COX5A: variants seen among roughly 807,000 people sequenced by gnomAD.
The protein encoded by COX5A is cytochrome c oxidase subunit 5A.
Under a neutral mutation model 16.1 loss-of-function variants are expected in COX5A, and 6 were observed. The ratio of observed to expected loss-of-function variants is 0.37; its 90% CI spans 0.20 to 0.73. The LOEUF is 0.73. Ranked by LOEUF, COX5A falls within the 30% of genes least tolerant of loss-of-function variation. The probability of loss-of-function intolerance (pLI) is 0.50; values close to 1 mark genes in which losing one functional copy is unlikely to be tolerated. For synonymous variants in COX5A, 73 were observed against 73.8 expected, an observed-to-expected ratio of 0.99 and a Z score of 0.06; for missense variants, 159 against 194.9, an observed-to-expected ratio of 0.82 and a Z score of 1.10.
intron 3 of COX5A, among the ~76,000 whole-genome samples, chr15:74,924,440 G>C (rs1423749410): frequency 6.6e-6 from 1 of 152,064 alleles, no homozygotes; most frequent in Admixed American, 6.6e-5. Flanking sequence ...GGGAATGCTT[G>C]AACTAGGGAG....
intron 4 of COX5A, among the ~76,000 whole-genome samples, chr15:74,921,881 G>C (rs899007714): frequency 6.6e-6 from 1 of 152,056 alleles, no homozygotes; most frequent in Non-Finnish European, 1.5e-5. Flanking sequence ...TGCTGGTGAG[G>C]GGGTGGACAA....
In COX5A at chr15:74,930,145, C is replaced by A. The variant is rs185327988; in HGVS notation, c.101-913G>T. Among the ~76,000 whole-genome samples, 72 of 151,482 alleles carry A rather than the reference C, an allele frequency of 4.8e-4. No homozygotes were observed. The East Asian group carries it at 0.012, about 24-fold the overall frequency. On this transcript the variant is annotated intron_variant, in intron 1 of 4. Transcript: ENST00000322347. ...ACTAAAAAACTAAGACTAGGCCGGG[C>A]GCAGTGGCTCACGCCTGTAATCCCA...
chr15:74,934,326 A>T (rs1388893748), intron 1 of COX5A, among the ~76,000 whole-genome samples: 1 of 151,698 alleles, frequency 6.6e-6, no homozygotes, highest in Non-Finnish European at 1.5e-5. Context: ...TCCCCACGTG[A>T]TTTAAATTTT....
At chr15:74,932,297 AGTT>A (rs1310696689) in intron 1 of COX5A, among the ~76,000 whole-genome samples, 1 of 152,188 alleles carries the variant, frequency 6.6e-6, no homozygotes, top group African/African-American at 2.4e-5. Flanking sequence ...TGTAACTTCC[AGTT>A]GTTTAAGGCT....
intron 3 of COX5A, among the ~76,000 whole-genome samples, chr15:74,924,108 G>A (rs989324902): frequency 3.3e-5 from 5 of 152,160 alleles, no homozygotes; most frequent in Non-Finnish European, 7.3e-5. Context: ...TTGAACCCGG[G>A]AAGCGGAGGT....
Position 74,923,345 on chromosome 15 carries a change from C to T in COX5A, c.*9+303G>A, listed in dbSNP as rs115219869. Among the ~76,000 whole-genome samples, 1,362 of 151,180 alleles carry T rather than the reference C, an allele frequency of 9.0e-3. 18 individuals are homozygous for T. The highest frequency in any genetic ancestry group is 0.03 in the African/African-American group (1,221 of 41,164). On this transcript the variant is annotated intron_variant, in intron 4 of 4. Transcript: ENST00000322347. Reference sequence around the variant, plus strand: ...GAGGCTGAGGCTTGAATCCAGGATGCGGAGGCTGCAGCGAGCCTAGATTGC... The same window carrying T: ...GAGGCTGAGGCTTGAATCCAGGATGTGGAGGCTGCAGCGAGCCTAGATTGC...
chr15:74,924,192 C>T (rs746448614), intron 3 of COX5A, among the ~76,000 whole-genome samples: 1 of 151,222 alleles, frequency 6.6e-6, no homozygotes, highest in South Asian at 2.1e-4. Context: ...AAAAACGAAA[C>T]AAAACAAAAC....
In COX5A at chr15:74,923,867, A is replaced by C. The variant is rs886681402; in HGVS notation, c.340-97T>G. ...AAAATGCCTTTAATTACTTATGCAGAGGCAGGTAGGACAGAATAATACAGG... is the reference window on the plus strand; with the variant it reads ...AAAATGCCTTTAATTACTTATGCAGCGGCAGGTAGGACAGAATAATACAGG... On this transcript the variant is annotated intron_variant, in intron 3 of 4. Coordinates refer to ENST00000322347, the MANE Select transcript of COX5A (RefSeq NM_004255.4). 4.0e-6 allele frequency: 3 copies of C among 756,700 alleles called. No homozygotes were observed. The African/African-American group carries it at 5.2e-5, about 13-fold the overall frequency. The allele number at this position is 756,700 out of a possible 1,614,324, so 46.9% of individuals were successfully genotyped here. A position where few individuals can be genotyped will look rare whatever the true frequency, so the allele number is the denominator to read the frequency against.
intron 4 of COX5A, among the ~76,000 whole-genome samples, chr15:74,922,791 G>A (rs1282802713): frequency 6.7e-5 from 10 of 149,870 alleles, no homozygotes; most frequent in Non-Finnish European, 1.3e-4. Flanking sequence ...TCAGCCTCCC[G>A]AGTAGCTGGG....
intron 1 of COX5A, among the ~76,000 whole-genome samples, chr15:74,935,517 T>C (rs2065385286): frequency 1.3e-5 from 2 of 148,252 alleles, no homozygotes; most frequent in South Asian, 2.1e-4. Flanking sequence ...GGAGGATCAG[T>C]TGAGTCCCAG....
intron 1 of COX5A, 30 bp from the exon 2 acceptor site, chr15:74,929,262 G>A (rs1213076389): frequency 7.1e-7 from 1 of 1,402,072 alleles, no homozygotes; most frequent in Non-Finnish European, 1.0e-6. Context: ...TAACTTCAAT[G>A]TACACAAATA....
At chr15:74,936,622 CTTTTTTTTT>C (rs1021836626) in intron 1 of COX5A, among the ~76,000 whole-genome samples, 2 of 112,426 alleles carry the variant, frequency 1.8e-5, no homozygotes, top group Non-Finnish European at 3.5e-5. Context: ...AAAACATATT[CTTTTTTTTT>C]TTTTTTTTTT....
At chr15:74,923,836 A>C in intron 3 of COX5A, 66 bp from the exon 4 acceptor site, 2 of 1,072,716 alleles carry the variant, frequency 1.9e-6, no homozygotes, top group Non-Finnish European at 2.9e-6. Flanking sequence ...TCATGAAATG[A>C]ACTTAAAAAT....
Position 74,929,152 on chromosome 15 carries a change from T to G in COX5A, c.181A>C (p.Asn61His), listed in dbSNP as rs1308135482. Residue 61 changes from asparagine (N) to histidine (H), a missense_variant, in exon 2 of 5, where the codon AAC becomes CAC. Coordinates refer to ENST00000322347, the MANE Select transcript of COX5A (RefSeq NM_004255.4). Reference sequence around the variant, plus strand: ...TCCCAGGCATCTATATCTGGCTTGTTGAAGTATGTTACCCAGCGAGCATCA... The same window carrying G: ...TCCCAGGCATCTATATCTGGCTTGTGGAAGTATGTTACCCAGCGAGCATCA... ...EFDARWVTYFNKPDIDAWELR... is the reference protein window; with the variant it reads ...EFDARWVTYFHKPDIDAWELR... 1.6e-5 allele frequency: 26 copies of G among 1,614,066 alleles called. No homozygotes were observed. The highest frequency in any genetic ancestry group is 2.2e-5 in the Non-Finnish European group (26 of 1,179,900).
intron 2 of COX5A, among the ~76,000 whole-genome samples, chr15:74,928,486 G>A (rs769391597): frequency 3.3e-5 from 5 of 151,758 alleles, no homozygotes; most frequent in East Asian, 3.9e-4. Context: ...CCGGGTTCAC[G>A]CCATTCTCCT....
chr15:74,925,567 C>T (rs2065339608), intron 3 of COX5A, among the ~76,000 whole-genome samples: 1 of 150,688 alleles, frequency 6.6e-6, no homozygotes, highest in Admixed American at 6.6e-5. Context: ...TTTTTATTTT[C>T]AGTAGAGATG....
chr15:74,936,955 A>G (rs1486987057), intron 1 of COX5A, among the ~76,000 whole-genome samples: 1 of 152,038 alleles, frequency 6.6e-6, no homozygotes, highest in Non-Finnish European at 1.5e-5. Context: ...TTTTAACTTC[A>G]GCATACCCTG....
chr15:74,920,412 G>A lies in COX5A; in HGVS notation c.*40C>T, dbSNP rs1047827174. The A allele has an allele frequency of 1.4e-6, 1 of 696,878 alleles. No individual in the cohort carries two copies. Among genetic ancestry groups the A allele is most frequent in the Admixed American group, 2.1e-5 (1 of 48,630 alleles). 43.2% of individuals were successfully genotyped at this position (696,878 alleles called of 1,614,324 possible). A position where few individuals can be genotyped will look rare whatever the true frequency, so the allele number is the denominator to read the frequency against. ...CCAGGTAACTGTTCACACTCAAGTA[G>A]CAATGTCAATAAATCCTTGGGGAAG... On this transcript the variant is annotated 3_prime_UTR_variant, in exon 5 of 5. Coordinates refer to ENST00000322347, the MANE Select transcript of COX5A (RefSeq NM_004255.4).
chr15:74,935,896 T>G (rs1341498486), intron 1 of COX5A, among the ~76,000 whole-genome samples: 1 of 151,218 alleles, frequency 6.6e-6, no homozygotes, highest in Non-Finnish European at 1.5e-5. Flanking sequence ...GGCTGAAAAA[T>G]GTAAATTGTA....
Sources: allele counts gnomAD v4.1 joint callset (sites outside exome capture counted in the v4.1 genomes callset), GRCh38; gene constraint gnomAD v4.1.1; transcripts MANE v1.5; gene names NCBI Gene and HGNC (gene_info 2026-07-23, HGNC 2026-07-21).